The following GRM7 variants were observed in gnomAD, a reference collection of about 807,000 sequenced individuals.
GRM7 encodes metabotropic glutamate receptor 7.
A neutral mutation model predicts 84.5 loss-of-function variants in GRM7; 35 were observed. That is an observed-to-expected ratio of 0.41 (90% CI 0.32 to 0.55). GRM7 has a LOEUF of 0.55. GRM7 is among the 20% of genes least tolerant of loss of function. The probability of loss-of-function intolerance (pLI) is 0.19; values close to 1 mark genes in which losing one functional copy is unlikely to be tolerated. For synonymous variants in GRM7, 487 were observed against 455.1 expected (o/e 1.07, Z -0.89); for missense variants, 1,003 against 1,194.6 (o/e 0.84, Z 2.36).
intron 4 of GRM7, among the ~76,000 whole-genome samples, chr3:7,366,085 A>G (rs1042894202): frequency 2.8e-4 from 42 of 151,698 alleles, no homozygotes; most frequent in African/African-American, 9.9e-4. Flanking sequence ...TTTCATTGGA[A>G]TGGAGGGAGC....
chr3:6,944,570 G>C (rs1470405766), intron 1 of GRM7, among the ~76,000 whole-genome samples: 1 of 152,044 alleles, frequency 6.6e-6, no homozygotes, highest in African/African-American at 2.4e-5. Flanking sequence ...TGTTGGATTT[G>C]ATTTCCTTAA....
At chr3:7,559,988 TACTC>T (rs530853521) in intron 7 of GRM7, among the ~76,000 whole-genome samples, 150 of 152,190 alleles carry the variant, frequency 9.9e-4, no homozygotes, top group South Asian at 2.5e-3. Flanking sequence ...CATTTAAACT[TACTC>T]AGCTCCTTAA....
rs1277582585 is a variant in GRM7 at position 6,928,687 on chromosome 3, A to C, written c.519+66780A>C. Among the ~76,000 whole-genome samples the C allele has an allele frequency of 6.6e-6, 1 of 152,190 alleles. No individual in the cohort carries two copies. Among genetic ancestry groups the C allele is most frequent in the Non-Finnish European group, 1.5e-5 (1 of 68,030 alleles). ...ATAGAAGCTTAGTTAAGCAGGTGATAATCTTCTCTTGGCCTCCAATTTATC... is the reference window on the plus strand; with the variant it reads ...ATAGAAGCTTAGTTAAGCAGGTGATCATCTTCTCTTGGCCTCCAATTTATC... On this transcript the variant is annotated intron_variant, in intron 1 of 9. Coordinates refer to ENST00000357716, the MANE Select transcript of GRM7 (RefSeq NM_000844.4). This position sits in a 1 kb window ranked among gnomAD's most constrained non-coding sequence, Gnocchi z 4.5.
chr3:7,685,798 AAAAG>A (rs1339299080), intron 9 of GRM7, among the ~76,000 whole-genome samples: 79 of 152,088 alleles, frequency 5.2e-4, no homozygotes, highest in African/African-American at 1.3e-3. Context: ...TAAAAAAAAA[AAAAG>A]AAAGAAAAAG....
intron 1 of GRM7, among the ~76,000 whole-genome samples, chr3:7,146,246 A>G (rs1341771941): frequency 1.3e-5 from 2 of 152,214 alleles, no homozygotes; most frequent in Non-Finnish European, 2.9e-5. Flanking sequence ...GGAAATAAAA[A>G]GGCAAGACGC....
chr3:7,160,410 C>G lies in GRM7; in HGVS notation c.736+13742C>G, dbSNP rs372831208. On this transcript the variant is annotated intron_variant, in intron 2 of 9. Transcript: ENST00000357716. ...ATTTGTGAGGTCTTAACTAGATACC[C>G]CAGTTTCGTCCTTGTTTTGGCTCCT... 6.0e-4 allele frequency among the ~76,000 whole-genome samples: 91 copies of G among 152,270 alleles called. 2 individuals carry two copies. The East Asian group carries it at 8.3e-3, about 14-fold the overall frequency.
At chr3:7,391,423 G>T (rs1467324316) in intron 4 of GRM7, among the ~76,000 whole-genome samples, 1 of 152,116 alleles carries the variant, frequency 6.6e-6, no homozygotes, top group East Asian at 1.9e-4. Flanking sequence ...CATGGATGAA[G>T]CTGGAAACCA....
chr3:6,907,659 A>G (rs1017353915), intron 1 of GRM7, among the ~76,000 whole-genome samples: 1 of 152,182 alleles, frequency 6.6e-6, no homozygotes, highest in Non-Finnish European at 1.5e-5. Context: ...AGAAAGAAGA[A>G]TGAAAAGAAA....
intron 1 of GRM7, among the ~76,000 whole-genome samples, chr3:6,963,654 A>G (rs1252267111): frequency 6.6e-6 from 1 of 152,146 alleles, no homozygotes; most frequent in African/African-American, 2.4e-5. Context: ...ATTCATTCCA[A>G]AATGTGTGTA....
chr3:6,908,302 C>T (rs1696650546), intron 1 of GRM7, among the ~76,000 whole-genome samples: 1 of 152,142 alleles, frequency 6.6e-6, no homozygotes, highest in Admixed American at 6.6e-5. Flanking sequence ...TTATCTTCAC[C>T]TTTGAAAATT....
rs562426247 is a variant in GRM7 at position 7,032,087 on chromosome 3, G to A, written c.520-114365G>A. Among the ~76,000 whole-genome samples, 5 of 152,292 alleles carry A rather than the reference G, an allele frequency of 3.3e-5. No individual in the cohort carries two copies. In the East Asian group the frequency reaches 9.7e-4, roughly 29 times the overall value. On this transcript the variant is annotated intron_variant, in intron 1 of 9. Transcript: ENST00000357716. ...GCCTAATATCCTAAAACACGTCAAA[G>A]ACATCTCACATAGATGTCAGTCACT... is the stretch of plus-strand genomic sequence containing the variant.
intron 2 of GRM7, among the ~76,000 whole-genome samples, chr3:7,181,060 G>A (rs1307998439): frequency 6.6e-6 from 1 of 152,102 alleles, no homozygotes; most frequent in Non-Finnish European, 1.5e-5. Flanking sequence ...TCTGCTACAG[G>A]TTCAGTGTCC....
intron 9 of GRM7, among the ~76,000 whole-genome samples, chr3:7,723,334 C>T (rs1702018482): frequency 6.6e-6 from 1 of 152,162 alleles, no homozygotes; most frequent in Non-Finnish European, 1.5e-5. Flanking sequence ...TCTCTCCAGA[C>T]TCAACACCTT....
At chr3:7,073,140 A>G (rs898123149) in intron 1 of GRM7, among the ~76,000 whole-genome samples, 1 of 152,174 alleles carries the variant, frequency 6.6e-6, no homozygotes, top group Non-Finnish European at 1.5e-5. Flanking sequence ...ATGGTCAAGT[A>G]GTACTAATTT....
intron 4 of GRM7, among the ~76,000 whole-genome samples, chr3:7,385,435 G>A (rs1028789363): frequency 2.6e-5 from 4 of 151,274 alleles, no homozygotes; most frequent in African/African-American, 9.7e-5. Flanking sequence ...TGAGTAGCTG[G>A]GATTACAGGC....
chr3:7,238,604 A>C lies in GRM7; in HGVS notation c.737-60080A>C, dbSNP rs533411572. On this transcript the variant is annotated intron_variant, in intron 2 of 9. Transcript: ENST00000357716. Reference sequence around the variant, plus strand: ...CTTAGCATACAGAAGAAACTCAATAAATATTTGTTAAAGGAATTGCCTAAA... The same window carrying C: ...CTTAGCATACAGAAGAAACTCAATACATATTTGTTAAAGGAATTGCCTAAA... 9.8e-5 allele frequency among the ~76,000 whole-genome samples: 15 copies of C among 152,320 alleles called. No individual in the cohort carries two copies. The South Asian group carries it at 2.1e-3, about 21-fold the overall frequency.
intron 1 of GRM7, among the ~76,000 whole-genome samples, chr3:7,064,491 C>CCTATATATATACACACATATACAT (rs1697566935): frequency 2.9e-5 from 2 of 69,686 alleles, no homozygotes; most frequent in Non-Finnish European, 5.9e-5. Flanking sequence ...CACACATATA[C>CCTATATATATACACACATATACAT]ATATATATAT....
Position 7,023,126 on chromosome 3 carries a change from C to T in GRM7, c.520-123326C>T, listed in dbSNP as rs75119385. On this transcript the variant is annotated intron_variant, in intron 1 of 9. Coordinates refer to ENST00000357716, the MANE Select transcript of GRM7 (RefSeq NM_000844.4). ...AGTTGTCTCATTATGCAGATAGAGT[C>T]CTCCATGTCATCTCTTGGAGTTGCC... Among the ~76,000 whole-genome samples, 1,258 of 152,118 alleles carry T rather than the reference C, an allele frequency of 8.3e-3. 15 individuals are homozygous for T. The highest frequency in any genetic ancestry group is 0.029 in the African/African-American group (1,213 of 41,482).
At chr3:6,992,463 A>G (rs771579573) in intron 1 of GRM7, among the ~76,000 whole-genome samples, 1 of 152,204 alleles carries the variant, frequency 6.6e-6, no homozygotes, top group Non-Finnish European at 1.5e-5. Flanking sequence ...ACTCCTTCAT[A>G]TCAATAATGC....
Sources: allele counts gnomAD v4.1 joint callset (sites outside exome capture counted in the v4.1 genomes callset), GRCh38; gene constraint gnomAD v4.1.1; non-coding constraint Gnocchi (gnomAD v3.1); transcripts MANE v1.5; gene names NCBI Gene and HGNC (gene_info 2026-07-23, HGNC 2026-07-21).